The following NEK11 variants were observed in gnomAD, a reference collection of about 807,000 sequenced individuals.
NEK11 encodes the protein serine/threonine-protein kinase Nek11.
NEK11 carries 72 observed loss-of-function variants against 80.7 expected under a neutral mutation model. The observed-to-expected ratio is 0.89, with a 90% CI of 0.74 to 1.08. NEK11 has a LOEUF of 1.08. Ranked by LOEUF, NEK11 falls within the 50% of genes least tolerant of loss-of-function variation. The pLI is 0.00. For missense variants in NEK11, 764 were observed against 763.6 expected (o/e 1.00, Z -0.01); for synonymous variants, 251 against 260.7 (o/e 0.96, Z 0.36).
intron 3 of NEK11, among the ~76,000 whole-genome samples, chr3:131,075,993 A>C (rs1317527031): frequency 6.6e-6 from 1 of 152,182 alleles, no homozygotes; most frequent in Non-Finnish European, 1.5e-5. Flanking sequence ...ATATATTTGC[A>C]AAATGGAGAC....
At chr3:131,121,195 T>G (rs2082317303) in intron 5 of NEK11, among the ~76,000 whole-genome samples, 1 of 152,218 alleles carries the variant, frequency 6.6e-6, no homozygotes, top group South Asian at 2.1e-4. Flanking sequence ...CTGTTAGTTT[T>G]CCTTCTAATA....
chr3:131,159,162 G>A (rs948141974), intron 10 of NEK11, among the ~76,000 whole-genome samples: 1 of 152,202 alleles, frequency 6.6e-6, no homozygotes, highest in African/African-American at 2.4e-5. Flanking sequence ...AAGATTGAAG[G>A]AACTTCAGCC....
intron 14 of NEK11, among the ~76,000 whole-genome samples, chr3:131,198,748 G>A (rs2094121361): frequency 6.6e-6 from 1 of 152,192 alleles, no homozygotes. Flanking sequence ...TTGTCCCGTT[G>A]GCAAGCTTAA....
chr3:131,345,247 G>C (rs2097344960), intron 17 of NEK11, among the ~76,000 whole-genome samples: 1 of 151,956 alleles, frequency 6.6e-6, no homozygotes. Flanking sequence ...ATTAACAAAG[G>C]AAAAGACAAC....
intron 3 of NEK11, among the ~76,000 whole-genome samples, chr3:131,064,927 A>G (rs1173342260): frequency 6.6e-6 from 1 of 152,056 alleles, no homozygotes; most frequent in East Asian, 1.9e-4. Context: ...TTGGAGCCAA[A>G]CTTACAGAAT....
At chr3:131,211,065 G>A (rs1262531317) in intron 14 of NEK11, among the ~76,000 whole-genome samples, 2 of 152,240 alleles carry the variant, frequency 1.3e-5, no homozygotes, top group East Asian at 3.9e-4. Flanking sequence ...TTTCTTCCTA[G>A]CATTGATGGT....
intron 5 of NEK11, among the ~76,000 whole-genome samples, chr3:131,113,824 T>C (rs1272262835): frequency 1.4e-5 from 2 of 147,904 alleles, no homozygotes; most frequent in African/African-American, 2.5e-5. Context: ...GGCAGGAGAA[T>C]GGCTTGAACC....
chr3:131,125,032 T>C (rs2083072184), intron 5 of NEK11, among the ~76,000 whole-genome samples: 2 of 152,182 alleles, frequency 1.3e-5, no homozygotes. Context: ...TAGTGTTGCA[T>C]TGTCTAGTTT....
rs146232410 is a variant in NEK11, at chr3:131,272,702, G to A, written c.1622-776G>A. Among the ~76,000 whole-genome samples the A allele has an allele frequency of 2.9e-3, 445 of 151,756 alleles. 2 individuals are homozygous for A. Among genetic ancestry groups the A allele is most frequent in the African/African-American group, 0.01 (415 of 41,380 alleles). On this transcript the variant is annotated intron_variant, in intron 16 of 17. Coordinates refer to ENST00000383366, the MANE Select transcript of NEK11 (RefSeq NM_024800.5). ...TGTTGGCCAGGCTGGTCCCAAACTC[G>A]TGACCTCAGGTGATCCGCCCACCTC...
At chr3:131,235,813 G>A (rs1399766179) in intron 15 of NEK11, among the ~76,000 whole-genome samples, 1 of 152,186 alleles carries the variant, frequency 6.6e-6, no homozygotes, top group Admixed American at 6.6e-5. Context: ...CAATGACAGA[G>A]CTGGGGTTTA....
chr3:131,175,045 C>T (rs997179314), intron 14 of NEK11: 2 of 1,260,810 alleles, frequency 1.6e-6, no homozygotes, highest in African/African-American at 3.0e-5. Flanking sequence ...CCCACATGCC[C>T]TTTACAGTTC....
intron 3 of NEK11, among the ~76,000 whole-genome samples, chr3:131,069,201 T>A (rs1324914810): frequency 2.0e-5 from 3 of 152,182 alleles, no homozygotes; most frequent in African/African-American, 7.2e-5. Context: ...TTAATTTTAC[T>A]TTAAACAGTG....
At position 131,097,711 on chromosome 3, in the gene NEK11, C is replaced by A. The variant is rs577198571; in HGVS notation, c.337-12092C>A. Among the ~76,000 whole-genome samples, 1,149 of 151,026 alleles carry A rather than the reference C, an allele frequency of 7.6e-3. 15 individuals carry two copies. Among genetic ancestry groups the A allele is most frequent in the African/African-American group, 0.026 (1,066 of 41,264 alleles). On this transcript the variant is annotated intron_variant, in intron 4 of 17. Transcript: ENST00000383366. ...GCTCATGGGTAGGAAGAATCAATAT[C>A]GTGAAAATGGCCATACTGCCCAAGG...
rs181574044 is a variant in NEK11 at position 131,349,829 on chromosome 3, C to A, written c.*53C>A. On this transcript the variant is annotated 3_prime_UTR_variant, in exon 18 of 18. Transcript: ENST00000383366. The stretch of plus-strand genomic sequence containing the variant: ...AAGTGGACAAATTTATGTGAAAATT[C>A]ATTTAACATATAAGCTGAACTCTAT... 2 of 1,355,962 alleles carry A rather than the reference C, an allele frequency of 1.5e-6. No homozygotes were observed. Among genetic ancestry groups the A allele is most frequent in the African/African-American group, 1.4e-5 (1 of 69,548 alleles). 84.0% of individuals were successfully genotyped at this position (1,355,962 alleles called of 1,614,324 possible).
intron 17 of NEK11, among the ~76,000 whole-genome samples, chr3:131,309,408 G>A (rs1347029177): frequency 6.6e-6 from 1 of 152,154 alleles, no homozygotes; most frequent in Non-Finnish European, 1.5e-5. Flanking sequence ...TCATTTCCTA[G>A]TTGAAATCCA....
intron 5 of NEK11, among the ~76,000 whole-genome samples, chr3:131,116,005 C>G (rs148097749): frequency 0.019 from 2,072 of 111,944 alleles, 60 homozygotes; most frequent in African/African-American, 0.064. Flanking sequence ...ACTTTAAGTT[C>G]TAGGATACAT....
At chr3:131,243,799 A>C (rs1193338291) in intron 16 of NEK11, among the ~76,000 whole-genome samples, 4 of 151,910 alleles carry the variant, frequency 2.6e-5, no homozygotes, top group Non-Finnish European at 4.4e-5. Context: ...GGAAAAAGGA[A>C]CCTCCCTACC....
chr3:131,143,733 A>G (rs776601983), intron 7 of NEK11, among the ~76,000 whole-genome samples: 1 of 151,796 alleles, frequency 6.6e-6, no homozygotes, highest in Admixed American at 6.6e-5. Context: ...TTCCTTAAGT[A>G]CTATTACTTC....
intron 16 of NEK11, among the ~76,000 whole-genome samples, chr3:131,253,583 A>T (rs1465600223): frequency 1.3e-5 from 2 of 152,182 alleles, no homozygotes; most frequent in Non-Finnish European, 2.9e-5. Flanking sequence ...TTTGCATTAT[A>T]AGCCAAATGT....
Sources: allele counts gnomAD v4.1 joint callset (sites outside exome capture counted in the v4.1 genomes callset), GRCh38; gene constraint gnomAD v4.1.1; transcripts MANE v1.5; gene names NCBI Gene and HGNC (gene_info 2026-07-23, HGNC 2026-07-21).